The following CTNNA3 variants were observed in gnomAD, a reference collection of about 807,000 sequenced individuals.
The protein encoded by CTNNA3 is catenin alpha-3.
A neutral mutation model predicts 95.7 loss-of-function variants in CTNNA3; 76 were observed. The observed-to-expected ratio is 0.79, with a 90% CI of 0.66 to 0.96. The LOEUF (loss-of-function observed/expected upper bound fraction) is 0.96. Ranked by LOEUF, CTNNA3 falls within the 40% of genes least tolerant of loss-of-function variation. CTNNA3 has a pLI of 0.00. For missense variants in CTNNA3, 1,191 were observed against 1,089.8 expected (o/e 1.09, Z -1.31); for synonymous variants, 431 against 374.4 (o/e 1.15, Z -1.74).
intron 10 of CTNNA3, among the ~76,000 whole-genome samples, chr10:66,546,071 T>G (rs1482906048): frequency 6.6e-6 from 1 of 151,908 alleles, no homozygotes; most frequent in South Asian, 2.1e-4. Context: ...TGGATGTATT[T>G]TGATAAACAC....
chr10:66,590,145 T>C (rs1176233183), intron 10 of CTNNA3, among the ~76,000 whole-genome samples: 1 of 152,100 alleles, frequency 6.6e-6, no homozygotes, highest in Non-Finnish European at 1.5e-5. Flanking sequence ...TTTACAGGTA[T>C]AAACTAAGTT....
chr10:67,098,086 C>T, intron 7 of CTNNA3: 1 of 382,032 alleles, frequency 2.6e-6, no homozygotes, highest in Non-Finnish European at 4.8e-6. Context: ...CCTGTAAAAA[C>T]TGTACAAAGC....
rs2077027757 is a variant in CTNNA3 at position 65,918,026 on chromosome 10, A to T, written c.*2304T>A. On this transcript the variant is annotated 3_prime_UTR_variant, in exon 18 of 18. Coordinates refer to ENST00000433211, the MANE Select transcript of CTNNA3 (RefSeq NM_013266.4). Reference sequence around the variant, plus strand: ...CTCCTAGGATATTCATTGAGTTAAAATTTTTATTGTTTTATTTAATTATAG... The same window carrying T: ...CTCCTAGGATATTCATTGAGTTAAATTTTTTATTGTTTTATTTAATTATAG... 1 of 152,142 alleles carries T rather than the reference A, an allele frequency of 6.6e-6. No homozygotes were observed. Among genetic ancestry groups the T allele is most frequent in the South Asian group, 2.1e-4 (1 of 4,830 alleles). 9.4% of individuals were successfully genotyped at this position (152,142 alleles called of 1,614,324 possible).
intron 5 of CTNNA3, among the ~76,000 whole-genome samples, chr10:67,264,728 T>G (rs778814594): frequency 3.9e-5 from 6 of 152,164 alleles, no homozygotes; most frequent in Non-Finnish European, 7.4e-5. Flanking sequence ...CCTAGATTCA[T>G]GAAATGTTAG....
At chr10:67,438,925 A>G (rs1485481194) in intron 5 of CTNNA3, among the ~76,000 whole-genome samples, 1 of 152,186 alleles carries the variant, frequency 6.6e-6, no homozygotes, top group Non-Finnish European at 1.5e-5. Flanking sequence ...TTCTTGACAA[A>G]CATCACCACT....
chr10:67,465,298 T>A (rs879293355), intron 5 of CTNNA3, among the ~76,000 whole-genome samples: 9 of 152,040 alleles, frequency 5.9e-5, no homozygotes, highest in Non-Finnish European at 1.2e-4. Context: ...TCAGCCTTAA[T>A]CGCCCAACTC....
chr10:66,135,332 C>T (rs915864517), intron 13 of CTNNA3, among the ~76,000 whole-genome samples: 2 of 152,036 alleles, frequency 1.3e-5, no homozygotes, highest in Non-Finnish European at 2.9e-5. Flanking sequence ...AAAAAAACTG[C>T]CCCAAACCTA....
intron 7 of CTNNA3, among the ~76,000 whole-genome samples, chr10:67,121,081 T>TTGAATAA (rs1859441915): frequency 1.3e-5 from 2 of 152,062 alleles, no homozygotes; most frequent in Non-Finnish European, 2.9e-5. Context: ...ATAAAAGCAT[T>TTGAATAA]CCCTTGAATA....
chr10:66,534,222 G>T (rs1841569732), intron 10 of CTNNA3, among the ~76,000 whole-genome samples: 1 of 152,004 alleles, frequency 6.6e-6, no homozygotes, highest in Admixed American at 6.6e-5. Context: ...TACTTGGTTA[G>T]CTAGAGGTCA....
intron 1 of CTNNA3, among the ~76,000 whole-genome samples, chr10:67,657,078 T>C (rs1022027336): frequency 6.6e-6 from 1 of 152,132 alleles, no homozygotes; most frequent in Admixed American, 6.5e-5. Flanking sequence ...AGGGTTCAGA[T>C]TGTAGATATA....
chr10:66,736,191 CT>C (rs777713569), intron 9 of CTNNA3, among the ~76,000 whole-genome samples: 438 of 144,370 alleles, frequency 3.0e-3, no homozygotes, highest in Middle Eastern at 3.7e-3. Context: ...GTGACGAATA[CT>C]TTTTTTTTTT....
intron 7 of CTNNA3, among the ~76,000 whole-genome samples, chr10:67,153,489 G>A (rs1405398848): frequency 6.6e-6 from 1 of 152,104 alleles, no homozygotes; most frequent in Non-Finnish European, 1.5e-5. Context: ...CCTTTTTTCA[G>A]ATAAGAAACT....
upstream of CTNNA3, among the ~76,000 whole-genome samples, chr10:67,696,801 T>C (rs1389967993): frequency 6.6e-6 from 1 of 152,212 alleles, no homozygotes; most frequent in African/African-American, 2.4e-5. Context: ...TTTTGATATC[T>C]TCTCCCTCAA....
chr10:66,791,628 C>G, intron 7 of CTNNA3, among the ~76,000 whole-genome samples: 2 of 152,304 alleles, frequency 1.3e-5, no homozygotes, highest in South Asian at 4.2e-4. Context: ...TATGAAAATA[C>G]TAGCAGGGAA....
intron 5 of CTNNA3, among the ~76,000 whole-genome samples, chr10:67,255,764 G>A (rs1223871239): frequency 6.6e-6 from 1 of 152,096 alleles, no homozygotes; most frequent in African/African-American, 2.4e-5. Flanking sequence ...TCTCCTAGAG[G>A]TTCACAGTGT....
chr10:67,454,353 C>A (rs1847093200), intron 5 of CTNNA3, among the ~76,000 whole-genome samples: 2 of 152,096 alleles, frequency 1.3e-5, no homozygotes, highest in African/African-American at 4.8e-5. Flanking sequence ...TATGTTTCCT[C>A]TATATGATAA....
rs979039323 is a variant in CTNNA3, at chr10:67,381,871, C to CT, written c.579+139970dup. ...ATTGCCCTGCTGCCTTGTTTTCTTT[C>CT]TTTTTTTTTCCAGTCCAGTGTGATC... On this transcript the variant is annotated intron_variant, in intron 5 of 17. Transcript: ENST00000433211. Among the ~76,000 whole-genome samples the CT allele has an allele frequency of 8.6e-5, 13 of 151,612 alleles. No homozygotes were observed. The South Asian group carries it at 1.5e-3, about 17-fold the overall frequency.
In CTNNA3 at chr10:65,914,145, T is replaced by A. The variant is rs2076978491; in HGVS notation, c.*6185A>T. Reference sequence around the variant, plus strand: ...CTCTGCTAATATTAAGTAGCTTTTGTACATGTTCTAAATTGAAGAAACATT... The same window carrying A: ...CTCTGCTAATATTAAGTAGCTTTTGAACATGTTCTAAATTGAAGAAACATT... On this transcript the variant is annotated 3_prime_UTR_variant, in exon 18 of 18. Transcript: ENST00000433211. The A allele has an allele frequency of 6.6e-6, 1 of 152,178 alleles. No individual in the cohort carries two copies. The highest frequency in any genetic ancestry group is 1.5e-5 in the Non-Finnish European group (1 of 68,032). The allele number at this position is 152,178 out of a possible 1,614,324, so 9.4% of individuals were successfully genotyped here. A position where few individuals can be genotyped will look rare whatever the true frequency, so the allele number is the denominator to read the frequency against.
intron 3 of CTNNA3, among the ~76,000 whole-genome samples, chr10:67,583,811 ATC>A (rs1842511940): frequency 6.6e-6 from 1 of 151,918 alleles, no homozygotes; most frequent in Non-Finnish European, 1.5e-5. Flanking sequence ...AATTCATTTG[ATC>A]TTCAATCGCT....
Sources: gnomAD v4.1 joint callset for allele counts (sites outside exome capture counted in the v4.1 genomes callset) on GRCh38, gnomAD v4.1.1 for gene constraint, MANE v1.5 for transcripts, NCBI Gene and HGNC (gene_info 2026-07-23, HGNC 2026-07-21) for gene names.